The following ZNF185 variants were observed in gnomAD, a reference collection of about 807,000 sequenced individuals.
ZNF185 encodes zinc finger protein 185 with LIM domain.
Under a neutral mutation model 58.6 loss-of-function variants are expected in ZNF185, and 56 were observed. The ratio of observed to expected loss-of-function variants is 0.95; its 90% CI spans 0.77 to 1.19. The LOEUF (loss-of-function observed/expected upper bound fraction) is 1.19. Ranked by LOEUF, ZNF185 falls within the 50% of genes most tolerant of loss-of-function variation. The pLI, the probability that ZNF185 is intolerant of heterozygous loss-of-function variation, is 0.00. For missense variants in ZNF185, 627 were observed against 573.5 expected, an observed-to-expected ratio of 1.09 and a Z score of -0.95; for synonymous variants, 230 against 215.9, an observed-to-expected ratio of 1.07 and a Z score of -0.57.
intron 11 of ZNF185, among the ~76,000 whole-genome samples, chrX:152,927,714 C>G (rs781917329): frequency 8.9e-6 from 1 of 112,547 alleles, no homozygotes; most frequent in Non-Finnish European, 1.9e-5. Context: ...CCCTGCAGCA[C>G]AGCAAGGTCA....
chrX:152,932,983 G>C lies in ZNF185; in HGVS notation c.1121+12G>C, dbSNP rs782560368. ...TCCGAGAGAGGAAGGTGAGCTGCCC[G>C]GGGGAGGCAGGTTCTCTCATGCCCC... On this transcript the variant is annotated intron_variant, in intron 14 of 22. Coordinates refer to ENST00000449285, the Ensembl canonical transcript of ZNF185. 1.7e-6 allele frequency: 2 copies of C among 1,151,698 alleles called. No homozygotes were observed. Among genetic ancestry groups the C allele is most frequent in the South Asian group, 1.9e-5 (1 of 51,613 alleles). The allele number at this position is 1,151,698 out of a possible 1,213,427, so 94.9% of individuals were successfully genotyped here. A position where few individuals can be genotyped will look rare whatever the true frequency, so the allele number is the denominator to read the frequency against.
Position 152,969,378 on chromosome X carries a change from A to G in ZNF185, c.1872-4A>G. ...CCACCGGGTTATTGTTCTTCATCTC[A>G]CAGGACAACTGGAGGGATCTGTACT... is the stretch of plus-strand genomic sequence containing the variant. On this transcript the variant is annotated splice_region_variant and splice_polypyrimidine_tract_variant and intron_variant, in intron 20 of 22. Transcript: ENST00000449285. 8.3e-7 allele frequency: 1 copy of G among 1,200,061 alleles called. No individual in the cohort carries two copies. The highest frequency in any genetic ancestry group is 1.1e-6 in the Non-Finnish European group (1 of 887,968).
chrX:152,920,244 A>G (rs1313597533), intron 7 of ZNF185, 84 bp from the exon 9 acceptor site: 3 of 1,018,892 alleles, frequency 2.9e-6, no homozygotes, highest in Non-Finnish European at 4.0e-6. Flanking sequence ...GCCCTAAGTC[A>G]CCCCGAGTCC....
rs557089124 is a variant in ZNF185, at chrX:152,951,211, C to T, written c.1409+5747C>T. On this transcript the variant is annotated intron_variant, in intron 16 of 22. Coordinates refer to ENST00000449285, the Ensembl canonical transcript of ZNF185. ...CCTCAGGTGAACTGCCCACCTCAGC[C>T]TCCCAAAGTGCTGGGATTACAGGCG... Among the ~76,000 whole-genome samples, 5 of 110,446 alleles carry T rather than the reference C, an allele frequency of 4.5e-5. No individual in the cohort carries two copies. In the South Asian group the frequency reaches 1.9e-3, roughly 43 times the overall value.
intron 15 of ZNF185, among the ~76,000 whole-genome samples, chrX:152,942,489 C>T (rs782170735): frequency 3.6e-5 from 4 of 112,119 alleles, no homozygotes; most frequent in South Asian, 3.7e-4. Context: ...TATGTAAAGC[C>T]TGTAGGACAT....
At chrX:152,972,698 A>G (rs1449502836) in exon 23 of ZNF185, 3 of 111,102 alleles carry the variant, frequency 2.7e-5, no homozygotes, top group Non-Finnish European at 5.7e-5. Context: ...GGCCCCAGGT[A>G]CTTGGGACAT....
At chrX:152,917,237 T>G (rs1441236289) in intron 4 of ZNF185, 48 bp from the exon 6 acceptor site, 14 of 1,208,804 alleles carry the variant, frequency 1.2e-5, no homozygotes, top group African/African-American at 1.8e-5. Context: ...TTCTTACCCC[T>G]CCAGTCCCTC....
At chrX:152,931,705 C>G (rs1942013356) in exon 13 of ZNF185, 2 of 1,210,783 alleles carry the variant, frequency 1.7e-6, no homozygotes, top group Non-Finnish European at 2.2e-6. Context: ...AGGAGGCCCC[C>G]TGCTCCAGAG....
Position 152,971,028 on chromosome X carries a change from G to A in ZNF185, c.*1-246G>A, listed in dbSNP as rs782458125. Among the ~76,000 whole-genome samples, 5 of 111,824 alleles carry A rather than the reference G, an allele frequency of 4.5e-5. No homozygotes were observed. The South Asian group carries it at 1.9e-3, about 42-fold the overall frequency. On this transcript the variant is annotated intron_variant, in intron 22 of 22. Transcript: ENST00000449285. ...GCCTCTGGGCCACATTATGAGAACTGCCTGAAGATGTGTGTTTGCATGCTC... is the reference window on the plus strand; with the variant it reads ...GCCTCTGGGCCACATTATGAGAACTACCTGAAGATGTGTGTTTGCATGCTC...
intron 14 of ZNF185, among the ~76,000 whole-genome samples, chrX:152,937,707 C>A (rs1325974719): frequency 1.8e-5 from 2 of 112,382 alleles, no homozygotes; most frequent in Non-Finnish European, 3.8e-5. Flanking sequence ...GAGGTGTGCA[C>A]CTGTGCACCA....
At chrX:152,952,870 C>G (rs1556901236) in intron 16 of ZNF185, among the ~76,000 whole-genome samples, 1 of 100,946 alleles carries the variant, frequency 9.9e-6, no homozygotes, top group Non-Finnish European at 2.0e-5. Flanking sequence ...AAATACTGGA[C>G]AGAATGAGTG....
chrX:152,968,751 G>A (rs1556916567), intron 20 of ZNF185, among the ~76,000 whole-genome samples: 7 of 112,916 alleles, frequency 6.2e-5, no homozygotes, highest in Non-Finnish European at 9.4e-5. Flanking sequence ...TTGGCTTGTA[G>A]GATCAGATCA....
intron 15 of ZNF185, 48 bp from the exon 18 acceptor site, chrX:152,945,219 G>T: frequency 8.7e-7 from 1 of 1,154,064 alleles, no homozygotes. Flanking sequence ...GCTGAGGCAG[G>T]GTTAGTTTCA....
chrX:152,931,204 C>CA (rs1941909987), intron 12 of ZNF185, among the ~76,000 whole-genome samples: 2 of 112,318 alleles, frequency 1.8e-5, no homozygotes, highest in Middle Eastern at 4.2e-3. Context: ...CAACAAAAAA[C>CA]AAAAAACAGT....
At chrX:152,938,023 C>T in intron 14 of ZNF185, 51 bp from the exon 17 acceptor site, 7 of 1,127,934 alleles carry the variant, frequency 6.2e-6, no homozygotes, top group Non-Finnish European at 8.3e-6. Flanking sequence ...AGACCTGGGC[C>T]CCAGCCTTCT....
chrX:152,899,270 G>A, the ZNF185 span, among the ~76,000 whole-genome samples: 1 of 112,463 alleles, frequency 8.9e-6, no homozygotes, highest in African/African-American at 3.2e-5. Context: ...GGCTGGGGGC[G>A]GGAGGCAGGG....
chrX:152,953,703 CA>C (rs1395451052), intron 16 of ZNF185, among the ~76,000 whole-genome samples: 2 of 111,152 alleles, frequency 1.8e-5, no homozygotes, highest in African/African-American at 6.5e-5. Flanking sequence ...GTCTCAAAAA[CA>C]AAAAACAAAT....
chrX:152,937,953 C>A (rs1375193424), intron 14 of ZNF185, 121 bp from the exon 17 acceptor site: 4 of 628,901 alleles, frequency 6.4e-6, no homozygotes, highest in Non-Finnish European at 9.8e-6. Context: ...ACTGAGACAC[C>A]AGCCTTTACT....
Position 152,972,718 on chromosome X carries a change from T to C in ZNF185, c.*1445T>C, listed in dbSNP as rs1214911963. Reference sequence around the variant, plus strand: ...CAGGTACTTGGGACATGGAAACTCGTTGGATGGCTGGGCAGATGTAAGCCT... The same window carrying C: ...CAGGTACTTGGGACATGGAAACTCGCTGGATGGCTGGGCAGATGTAAGCCT... On this transcript the variant is annotated 3_prime_UTR_variant, in exon 23 of 23. Coordinates refer to ENST00000449285, the Ensembl canonical transcript of ZNF185. 3 of 111,376 alleles carry C rather than the reference T, an allele frequency of 2.7e-5. No homozygotes were observed. In the East Asian group the frequency reaches 8.5e-4, roughly 32 times the overall value. The allele number at this position is 111,376 out of a possible 1,213,427, so 9.2% of individuals were successfully genotyped here.
Sources: gnomAD v4.1 joint callset for allele counts (sites outside exome capture counted in the v4.1 genomes callset) on GRCh38, gnomAD v4.1.1 for gene constraint, MANE v1.5 for transcripts, NCBI Gene and HGNC (gene_info 2026-07-23, HGNC 2026-07-21) for gene names.